The following ADAMTSL1 variants were observed in gnomAD, a reference collection of about 807,000 sequenced individuals.
ADAMTSL1 encodes ADAMTS-like protein 1.
In ADAMTSL1, 126 loss-of-function variants were observed where a neutral mutation model predicts 201.8. The ratio of observed to expected loss-of-function variants is 0.62; its 90% confidence interval spans 0.54 to 0.72. The LOEUF (loss-of-function observed/expected upper bound fraction) is 0.72, where lower values mean the gene tolerates loss of function less well. ADAMTSL1 is among the 30% of genes least tolerant of loss of function. The pLI is 0.00. For missense variants in ADAMTSL1, 2,679 were observed against 2,277.8 expected (o/e 1.18, Z -3.59); for synonymous variants, 1,121 against 903.4 (o/e 1.24, Z -4.32).
chr9:18,473,587 G>A (rs1821305452), upstream of ADAMTSL1, among the ~76,000 whole-genome samples: 1 of 152,142 alleles, frequency 6.6e-6, no homozygotes, highest in South Asian at 2.1e-4. Context: ...TGCAAGTCAA[G>A]AGAGAAAGTA....
intron 1 of ADAMTSL1, among the ~76,000 whole-genome samples, chr9:18,500,661 T>C (rs1443900929): frequency 6.6e-6 from 1 of 152,198 alleles, no homozygotes; most frequent in Non-Finnish European, 1.5e-5. Context: ...AAATGCTAGA[T>C]CAAAACAGCT....
intron 1 of ADAMTSL1, among the ~76,000 whole-genome samples, chr9:18,069,296 CT>C (rs1279570409): frequency 6.6e-6 from 1 of 151,950 alleles, no homozygotes; most frequent in Non-Finnish European, 1.5e-5. Flanking sequence ...CTTATTCCAC[CT>C]ATTTTAGTTT....
intron 28 of ADAMTSL1, chr9:18,908,034 C>G (rs914774287): frequency 4.0e-6 from 1 of 250,296 alleles, no homozygotes; most frequent in Non-Finnish European, 7.8e-6. Context: ...TGGGAACCAT[C>G]TTGAGGAGGA....
chr9:18,308,381 T>A (rs936930342), intron 2 of ADAMTSL1, among the ~76,000 whole-genome samples: 1 of 152,108 alleles, frequency 6.6e-6, no homozygotes, highest in Non-Finnish European at 1.5e-5. Context: ...CGAAAAACCC[T>A]TCAAAAAATC....
intron 2 of ADAMTSL1, among the ~76,000 whole-genome samples, chr9:18,269,597 C>A (rs1832276197): frequency 1.3e-5 from 2 of 152,082 alleles, no homozygotes. Context: ...CCAATTAGAT[C>A]ATAATAATCT....
At chr9:18,393,600 T>G (rs753981297) in intron 2 of ADAMTSL1, among the ~76,000 whole-genome samples, 2 of 152,224 alleles carry the variant, frequency 1.3e-5, no homozygotes, top group Non-Finnish European at 2.9e-5. Context: ...CAACATCCAT[T>G]TCACCCTAGT....
At chr9:18,694,716 G>A (rs973848893) in intron 13 of ADAMTSL1, among the ~76,000 whole-genome samples, 9 of 152,166 alleles carry the variant, frequency 5.9e-5, no homozygotes, top group Admixed American at 5.2e-4. Context: ...GGTGCAAGCT[G>A]TCAGTGGATC....
At chr9:18,231,009 A>T (rs1043298362) in intron 2 of ADAMTSL1, among the ~76,000 whole-genome samples, 1 of 152,116 alleles carries the variant, frequency 6.6e-6, no homozygotes, top group African/African-American at 2.4e-5. Context: ...TGCTTAATGC[A>T]CCACTTCCTT....
intron 1 of ADAMTSL1, among the ~76,000 whole-genome samples, chr9:18,054,171 T>G (rs1274097089): frequency 6.6e-6 from 1 of 152,236 alleles, no homozygotes; most frequent in African/African-American, 2.4e-5. Flanking sequence ...TGTGTGTATG[T>G]ATGTGCATAC....
chr9:17,974,981 A>T (rs11788983), intron 1 of ADAMTSL1, among the ~76,000 whole-genome samples: 1 of 151,856 alleles, frequency 6.6e-6, no homozygotes. Context: ...ACATTCCTAC[A>T]AACACTGCAC....
chr9:18,362,392 CT>C (rs1166464262), intron 2 of ADAMTSL1, among the ~76,000 whole-genome samples: 4 of 152,212 alleles, frequency 2.6e-5, no homozygotes, highest in African/African-American at 9.6e-5. Context: ...CATAGGCCAA[CT>C]CAGGAAATGA....
chr9:18,332,179 A>G (rs940281133), intron 2 of ADAMTSL1, among the ~76,000 whole-genome samples: 5 of 152,140 alleles, frequency 3.3e-5, no homozygotes, highest in Admixed American at 1.3e-4. Flanking sequence ...CACACTCCTC[A>G]CTGTACTTTT....
At chr9:18,051,495 G>C (rs1417155329) in intron 1 of ADAMTSL1, among the ~76,000 whole-genome samples, 1 of 151,664 alleles carries the variant, frequency 6.6e-6, no homozygotes, top group African/African-American at 2.4e-5. Context: ...CTAAAGTTGG[G>C]TCCTCCTCAG....
intron 2 of ADAMTSL1, among the ~76,000 whole-genome samples, chr9:18,342,982 T>C (rs1430524844): frequency 6.6e-6 from 1 of 152,084 alleles, no homozygotes; most frequent in African/African-American, 2.4e-5. Flanking sequence ...TAATTCTCAC[T>C]AGACTGCACC....
chr9:18,228,757 T>A (rs1484872217), intron 2 of ADAMTSL1, among the ~76,000 whole-genome samples: 1 of 152,132 alleles, frequency 6.6e-6, no homozygotes, highest in Non-Finnish European at 1.5e-5. Context: ...GAAATGGAAG[T>A]ATAAGTCGAG....
chr9:18,792,552 C>T (rs542625453), intron 19 of ADAMTSL1, among the ~76,000 whole-genome samples: 1 of 152,168 alleles, frequency 6.6e-6, no homozygotes, highest in South Asian at 2.1e-4. Context: ...TAATTTCTAC[C>T]TTTGCCATGT....
At chr9:18,750,971 A>G (rs76644513) in intron 15 of ADAMTSL1, among the ~76,000 whole-genome samples, 8,480 of 152,196 alleles carry the variant, frequency 0.056, 768 homozygotes, top group African/African-American at 0.19. Context: ...TGAGTGGGCA[A>G]AGAGAGAGCA....
intron 4 of ADAMTSL1, among the ~76,000 whole-genome samples, chr9:18,613,362 G>A (rs1372089145): frequency 6.6e-6 from 1 of 152,170 alleles, no homozygotes; most frequent in Non-Finnish European, 1.5e-5. Context: ...CCATTCCTGG[G>A]TATATACCCA....
chr9:18,376,066 G>A (rs373507354), intron 2 of ADAMTSL1, among the ~76,000 whole-genome samples: 40 of 152,288 alleles, frequency 2.6e-4, no homozygotes, highest in Non-Finnish European at 4.3e-4. Flanking sequence ...GTCCCCACCC[G>A]ACCCAGAAGT....
Sources: allele counts gnomAD v4.1 joint callset (sites outside exome capture counted in the v4.1 genomes callset), GRCh38; gene constraint gnomAD v4.1.1; transcripts MANE v1.5; gene names NCBI Gene and HGNC (gene_info 2026-07-23, HGNC 2026-07-21).